NUTM2G: variants seen among roughly 807,000 people sequenced by gnomAD.
The protein encoded by NUTM2G is family with sequence similarity 22, member G.
A neutral mutation model predicts 44.3 loss-of-function variants in NUTM2G; 29 were observed. The observed-to-expected ratio is 0.66, with a 90% CI of 0.49 to 0.89. NUTM2G has a LOEUF of 0.89. NUTM2G is among the 40% of genes least tolerant of loss of function. The probability of loss-of-function intolerance (pLI) is 0.00; values close to 1 mark genes in which losing one functional copy is unlikely to be tolerated. For missense variants in NUTM2G, 502 were observed against 946.5 expected, an observed-to-expected ratio of 0.53 and a Z score of 6.16; for synonymous variants, 205 against 395.9, an observed-to-expected ratio of 0.52 and a Z score of 5.72.
In NUTM2G at chr9:96,936,430, T is replaced by G; in HGVS notation, c.848T>G (p.Leu283Arg). 6.3e-7 allele frequency: 1 copy of G among 1,579,714 alleles called. No homozygotes were observed. The highest frequency in any genetic ancestry group is 1.1e-5 in the South Asian group (1 of 87,850). ...TGGGCCTCCTTCACCCCCAGGTTCC[T>G]GGAGTTTGAGGCTGAGGAGGAGATG... ...MIFYEMAAKF[L>R]EFEAEEEMQI... The change falls in exon 4 of 7, where the codon CTG becomes CGG. Residue 283 changes from leucine to arginine, a missense_variant. Coordinates refer to ENST00000372322, the MANE Select transcript of NUTM2G (RefSeq NM_001170741.3).
In NUTM2G at chr9:96,935,518, C is replaced by CGGT. The variant is rs1474339837; in HGVS notation, c.842+65_842+67dup. On this transcript the variant is annotated intron_variant, in intron 3 of 6. Coordinates refer to ENST00000372322, the MANE Select transcript of NUTM2G (RefSeq NM_001170741.3). ...GGGGTGAGAGTGAATGACAGAGGCCCGGTGGCCGTGGTGGCTTCTCAGCGT... is the reference window on the plus strand; with the variant it reads ...GGGGTGAGAGTGAATGACAGAGGCCCGGTGGTGGCCGTGGTGGCTTCTCAGCGT... 2.5e-6 allele frequency: 4 copies of CGGT among 1,611,204 alleles called. No homozygotes were observed. The Admixed American group carries it at 6.7e-5, about 27-fold the overall frequency.
At position 96,930,872 on chromosome 9, in the gene NUTM2G, GTTT is replaced by G. The variant is rs1168888338; in HGVS notation, c.17-812_17-810del. 7.8e-3 allele frequency among the ~76,000 whole-genome samples: 567 copies of G among 72,492 alleles called. 1 individual carries two copies. The highest frequency in any genetic ancestry group is 0.01 in the Non-Finnish European group (413 of 39,888). 47.6% of individuals were successfully genotyped at this position (72,492 alleles called of 152,430 possible). A position where few individuals can be genotyped will look rare whatever the true frequency, so the allele number is the denominator to read the frequency against. ...GGCTTGGGCGAGTTTCCATCCAGTG[GTTT>G]TTTTTTTTTTTTTTTTTTTTTTTTT... On this transcript the variant is annotated intron_variant, in intron 1 of 6. Coordinates refer to ENST00000372322, the MANE Select transcript of NUTM2G (RefSeq NM_001170741.3).
intron 2 of NUTM2G, among the ~76,000 whole-genome samples, chr9:96,934,722 C>A (rs1204936054): frequency 6.6e-6 from 1 of 151,746 alleles, no homozygotes; most frequent in East Asian, 1.9e-4. Flanking sequence ...ATTCTGTGTG[C>A]ATGGTGTCTC....
At chr9:96,930,213 G>GT (rs1826194204) in intron 1 of NUTM2G, among the ~76,000 whole-genome samples, 1 of 151,602 alleles carries the variant, frequency 6.6e-6, no homozygotes, top group South Asian at 2.1e-4. Flanking sequence ...ACTATTTAGT[G>GT]TAACATGACT....
chr9:96,930,738 G>A (rs1826212558), intron 1 of NUTM2G, among the ~76,000 whole-genome samples: 2 of 150,064 alleles, frequency 1.3e-5, no homozygotes, highest in Admixed American at 1.3e-4. Flanking sequence ...TGAGGAATGG[G>A]TGGCCTGAAT....
downstream of NUTM2G, among the ~76,000 whole-genome samples, chr9:96,940,933 G>A (rs1327973786): frequency 6.6e-6 from 1 of 152,236 alleles, no homozygotes; most frequent in African/African-American, 2.4e-5. Flanking sequence ...TTCCCCAGCT[G>A]AGGGCACAAC....
rs765104646 is a variant in NUTM2G at position 96,938,621 on chromosome 9, T to C, written c.1698T>C (p.Cys566=). 6 of 1,601,360 alleles carry C rather than the reference T, an allele frequency of 3.7e-6. No homozygotes were observed. The highest frequency in any genetic ancestry group is 3.3e-5 in the Admixed American group (2 of 59,834). The change falls in exon 7 of 7, where the codon TGT becomes TGC. Residue 566 remains cysteine (C), a synonymous_variant. Coordinates refer to ENST00000372322, the MANE Select transcript of NUTM2G (RefSeq NM_001170741.3). ...RSEDPAVLLG[C]QDSPRLKAVR... The stretch of plus-strand genomic sequence containing the variant: ...AAGACCCTGCTGTGCTTTTGGGATG[T>C]CAGGACTCCCCCAGGCTGAAGGCTG...
At chr9:96,936,959 C>A (rs1826451256) in intron 4 of NUTM2G, 105 bp from the exon 5 acceptor site, 1 of 1,356,228 alleles carries the variant, frequency 7.4e-7, no homozygotes. Context: ...GTGGTCCTGA[C>A]CCAGCTGGGA....
chr9:96,942,722 A>G (rs1313010561), downstream of NUTM2G: 5 of 148,112 alleles, frequency 3.4e-5, no homozygotes, highest in South Asian at 1.1e-3. Context: ...TGTTGTAGGG[A>G]CGTTTATCAC....
intron 2 of NUTM2G, among the ~76,000 whole-genome samples, chr9:96,933,257 C>T (rs1183573821): frequency 2.6e-5 from 4 of 151,854 alleles, no homozygotes; most frequent in African/African-American, 4.8e-5. Flanking sequence ...CGATTGCAGG[C>T]ATGACCCACC....
chr9:96,929,858 C>T (rs1215958300), intron 1 of NUTM2G, among the ~76,000 whole-genome samples: 2 of 151,710 alleles, frequency 1.3e-5, no homozygotes, highest in East Asian at 3.9e-4. Context: ...TATACTACCT[C>T]ATGAACGGGC....
downstream of NUTM2G, among the ~76,000 whole-genome samples, chr9:96,940,949 C>T (rs1826576234): frequency 6.6e-6 from 1 of 151,896 alleles, no homozygotes; most frequent in Admixed American, 6.6e-5. Flanking sequence ...ACAACAGGCC[C>T]TTGGGGAAAA....
chr9:96,935,531 G>A, intron 3 of NUTM2G, 75 bp downstream of exon 3: 1 of 1,611,064 alleles, frequency 6.2e-7, no homozygotes, highest in Non-Finnish European at 8.5e-7. Context: ...TGGCCGTGGT[G>A]GCTTCTCAGC....
At position 96,937,014 on chromosome 9, in the gene NUTM2G, G is replaced by A. The variant is rs748294103; in HGVS notation, c.983-50G>A. 22 of 1,483,540 alleles carry A rather than the reference G, an allele frequency of 1.5e-5. No homozygotes were observed. In the South Asian group the frequency reaches 1.9e-4, roughly 13 times the overall value. The allele number at this position is 1,483,540 out of a possible 1,614,324, so 91.9% of individuals were successfully genotyped here. ...CCCTGCCCTCCCCTGTGTGGTGCAG[G>A]CAGGAGGAGCGGCCCTCACCACACC... On this transcript the variant is annotated intron_variant, in intron 4 of 6. Transcript: ENST00000372322.
intron 5 of NUTM2G, 114 bp downstream of exon 5, chr9:96,937,518 T>C (rs1383384747): frequency 1.2e-5 from 11 of 941,102 alleles, no homozygotes; most frequent in South Asian, 1.7e-5. Context: ...TTCCATGGAT[T>C]TGAGTGTCTG....
intron 3 of NUTM2G, among the ~76,000 whole-genome samples, chr9:96,936,129 A>C (rs1588204362): frequency 2.1e-5 from 3 of 144,018 alleles, no homozygotes; most frequent in African/African-American, 2.6e-5. Flanking sequence ...CATCAACCCC[A>C]CCCCCGGCCA....
downstream of NUTM2G, chr9:96,940,191 G>A (rs1826560265): frequency 6.8e-6 from 1 of 147,738 alleles, no homozygotes; most frequent in African/African-American, 2.5e-5. Context: ...AGGAGAAGCT[G>A]GGGCCCAGGC....
chr9:96,932,822 T>C (rs1019321373), intron 2 of NUTM2G, among the ~76,000 whole-genome samples: 7 of 151,866 alleles, frequency 4.6e-5, no homozygotes, highest in Non-Finnish European at 1.0e-4. Flanking sequence ...CTGGCTAATT[T>C]TGTATTCGTA....
Position 96,937,888 on chromosome 9 carries a change from G to A in NUTM2G, c.1327G>A (p.Glu443Lys). Reference sequence around the variant, plus strand: ...ACCTTCTTCCTTCTGTTTCCAGGTGGAGGCCGTCATTCACCCCCGATTCCT... The same window carrying A: ...ACCTTCTTCCTTCTGTTTCCAGGTGAAGGCCGTCATTCACCCCCGATTCCT... ...CSQEDFVTKV[E>K]AVIHPRFLEE... Residue 443 changes from glutamate (E) to lysine (K), a missense_variant, in exon 6 of 7, where the codon GAG (glutamate) becomes AAG (lysine). Transcript: ENST00000372322. 1 of 1,610,692 alleles carries A rather than the reference G, an allele frequency of 6.2e-7. No individual in the cohort carries two copies. The highest frequency in any genetic ancestry group is 2.3e-4 in the Middle Eastern group (1 of 4,426).
Sources: allele counts gnomAD v4.1 joint callset (sites outside exome capture counted in the v4.1 genomes callset), GRCh38; gene constraint gnomAD v4.1.1; transcripts MANE v1.5; gene names NCBI Gene and HGNC (gene_info 2026-07-23, HGNC 2026-07-21).